The following CACHD1 variants were observed in gnomAD, a reference collection of about 807,000 sequenced individuals.
CACHD1 encodes VWFA and cache domain-containing protein 1.
In CACHD1, 71 loss-of-function variants were observed where a neutral mutation model predicts 138.7. The observed-to-expected ratio is 0.51, with a 90% CI of 0.42 to 0.62. CACHD1 has a LOEUF of 0.62. Among genes scored for constraint, CACHD1 ranks in the 20% least tolerant of loss-of-function variants. The pLI is 0.00. For missense variants in CACHD1, 1,389 were observed against 1,625.3 expected, an observed-to-expected ratio of 0.85 and a Z score of 2.50; for synonymous variants, 578 against 591.5, an observed-to-expected ratio of 0.98 and a Z score of 0.33.
chr1:64,665,848 C>CA (rs1333859276), intron 15 of CACHD1, among the ~76,000 whole-genome samples: 4 of 151,922 alleles, frequency 2.6e-5, no homozygotes, highest in Non-Finnish European at 5.9e-5. Flanking sequence ...ACTAAAAATA[C>CA]AAAAAATTAG....
chr1:64,632,766 C>G (rs576605189), intron 6 of CACHD1, 23 bp downstream of exon 6: 4 of 1,613,502 alleles, frequency 2.5e-6, no homozygotes, highest in Non-Finnish European at 3.4e-6. Flanking sequence ...CTTGTGACCC[C>G]TATGGCATCA....
chr1:64,548,702 C>A (rs1646736409), intron 1 of CACHD1, among the ~76,000 whole-genome samples: 1 of 152,180 alleles, frequency 6.6e-6, no homozygotes, highest in Non-Finnish European at 1.5e-5. Flanking sequence ...GTATAAATAG[C>A]ACACTAAGTG....
intron 1 of CACHD1, among the ~76,000 whole-genome samples, chr1:64,474,489 G>A (rs979318663): frequency 6.6e-6 from 1 of 152,184 alleles, no homozygotes; most frequent in Non-Finnish European, 1.5e-5. Context: ...GCATGTAAAG[G>A]CATCTGTTAA....
intron 9 of CACHD1, 116 bp downstream of exon 9, chr1:64,648,150 C>T: frequency 1.3e-6 from 1 of 753,756 alleles, no homozygotes; most frequent in East Asian, 2.7e-5. Context: ...TGTCCTATAT[C>T]TCTGTATTGT....
chr1:64,476,325 A>G (rs1266231832), intron 1 of CACHD1, among the ~76,000 whole-genome samples: 1 of 152,242 alleles, frequency 6.6e-6, no homozygotes, highest in East Asian at 1.9e-4. Context: ...GGACATAAAT[A>G]TCTTGCTGGC....
At chr1:64,580,834 C>T (rs1647006718) in intron 2 of CACHD1, among the ~76,000 whole-genome samples, 1 of 152,020 alleles carries the variant, frequency 6.6e-6, no homozygotes, top group Admixed American at 6.6e-5. Flanking sequence ...TCCAAATGTC[C>T]CCTGAGGGTG....
chr1:64,588,807 A>C (rs1647073903), intron 3 of CACHD1, among the ~76,000 whole-genome samples: 2 of 152,180 alleles, frequency 1.3e-5, no homozygotes, highest in Non-Finnish European at 2.9e-5. Flanking sequence ...TTTAAAAAGA[A>C]GGGGGCAAAG....
At chr1:64,473,588 G>C (rs779522202) in intron 1 of CACHD1, among the ~76,000 whole-genome samples, 2 of 151,998 alleles carry the variant, frequency 1.3e-5, no homozygotes, top group Non-Finnish European at 2.9e-5. Context: ...TGGAGAGGGG[G>C]ATAGTTGTGT....
intron 2 of CACHD1, among the ~76,000 whole-genome samples, chr1:64,552,985 T>A (rs1185450774): frequency 6.6e-6 from 1 of 151,578 alleles, no homozygotes; most frequent in Non-Finnish European, 1.5e-5. Flanking sequence ...ATTCCTCCAG[T>A]CTCTCCACTC....
At position 64,470,526 on chromosome 1, in the gene CACHD1, C is replaced by G. The variant is rs1251175506; in HGVS notation, c.-219C>G. Among the ~76,000 whole-genome samples, 2 of 151,654 alleles carry G rather than the reference C, an allele frequency of 1.3e-5. No individual in the cohort carries two copies. Among genetic ancestry groups the G allele is most frequent in the Non-Finnish European group, 2.9e-5 (2 of 67,888 alleles). ...GGACCGCTCGGGCGGCCGCCTCCTA[C>G]CCCCACCGCCGCGGAGCCCCGCGAT... On this transcript the variant is annotated 5_prime_UTR_variant, in exon 1 of 27. Coordinates refer to ENST00000651257, the MANE Select transcript of CACHD1 (RefSeq NM_020925.4). This position sits in a 1 kb window ranked among gnomAD's most constrained non-coding sequence, Gnocchi z 5.2.
intron 14 of CACHD1, chr1:64,664,107 G>C (rs990167404): frequency 4.0e-6 from 2 of 494,210 alleles, no homozygotes; most frequent in Non-Finnish European, 7.1e-6. Context: ...TTAGAGACTA[G>C]TGAAACTTTC....
At chr1:64,576,471 A>C (rs1646968019) in intron 2 of CACHD1, among the ~76,000 whole-genome samples, 1 of 151,848 alleles carries the variant, frequency 6.6e-6, no homozygotes, top group Non-Finnish European at 1.5e-5. Flanking sequence ...TGGCGTGCTA[A>C]CAGAGATTCC....
chr1:64,600,051 C>T (rs535996425), intron 3 of CACHD1, among the ~76,000 whole-genome samples: 7 of 152,232 alleles, frequency 4.6e-5, no homozygotes, highest in Non-Finnish European at 8.8e-5. Flanking sequence ...TCTTAGGTCC[C>T]TGACTTGCTA....
At chr1:64,554,969 T>C (rs1284063406) in intron 2 of CACHD1, among the ~76,000 whole-genome samples, 1 of 152,174 alleles carries the variant, frequency 6.6e-6, no homozygotes, top group East Asian at 1.9e-4. Flanking sequence ...TCCTTGTCTT[T>C]TCATCTCATT....
At position 64,577,898 on chromosome 1, in the gene CACHD1, C is replaced by A. The variant is rs558027021; in HGVS notation, c.262-4258C>A. 1.2e-4 allele frequency among the ~76,000 whole-genome samples: 18 copies of A among 152,190 alleles called. 1 individual carries two copies. The South Asian group carries it at 3.7e-3, about 32-fold the overall frequency. On this transcript the variant is annotated intron_variant, in intron 2 of 26. Coordinates refer to ENST00000651257, the MANE Select transcript of CACHD1 (RefSeq NM_020925.4). ...TATTGATGAAGAATGCAGCTGAAGG[C>A]CCACCCTAACCAGGAAGGCAAAGGC... is the stretch of plus-strand genomic sequence containing the variant.
intron 1 of CACHD1, among the ~76,000 whole-genome samples, chr1:64,516,434 C>T (rs1043995466): frequency 5.9e-5 from 9 of 152,152 alleles, no homozygotes; most frequent in African/African-American, 1.4e-4. Flanking sequence ...GACCAGCTTA[C>T]GGTGTTCATA....
At chr1:64,498,816 T>C (rs995568056) in intron 1 of CACHD1, among the ~76,000 whole-genome samples, 1 of 152,260 alleles carries the variant, frequency 6.6e-6, no homozygotes, top group African/African-American at 2.4e-5. Flanking sequence ...CTTGCTGGGC[T>C]GACTTGGTGG....
chr1:64,678,310 G>C lies in CACHD1; in HGVS notation c.3244G>C (p.Gly1082Arg). 3 of 1,555,328 alleles carry C rather than the reference G, an allele frequency of 1.9e-6. No individual in the cohort carries two copies. Among genetic ancestry groups the C allele is most frequent in the Non-Finnish European group, 2.6e-6 (3 of 1,154,904 alleles). ...CTACGTTGATGACATGGGAGCAATA[G>C]GTATGTTTGTTAGATGCCCCAACAA... ...SPYVDDMGAI[G>R]DEVITLNMIK... The change falls in exon 23 of 27, where the codon GGT becomes CGT. Residue 1082 changes from glycine (G) to arginine (R), a missense_variant and splice_region_variant. This residue lies in a region of CACHD1 where 250 missense variants were observed against 292.9 expected (regional missense o/e 0.85). Transcript: ENST00000651257.
chr1:64,541,827 A>G (rs1646679548), intron 1 of CACHD1, among the ~76,000 whole-genome samples: 1 of 152,194 alleles, frequency 6.6e-6, no homozygotes. Flanking sequence ...AAGAAAACAA[A>G]AACAGAATGA....
Sources: allele counts gnomAD v4.1 joint callset (sites outside exome capture counted in the v4.1 genomes callset), GRCh38; gene constraint gnomAD v4.1.1; regional missense constraint gnomAD v4.1.1; non-coding constraint Gnocchi (gnomAD v3.1); transcripts MANE v1.5; gene names NCBI Gene and HGNC (gene_info 2026-07-23, HGNC 2026-07-21).